The following LARS1 variants were observed in gnomAD, a reference collection of about 807,000 sequenced individuals.
The protein encoded by LARS1 is leucine--tRNA ligase, cytoplasmic.
A neutral mutation model predicts 162.8 loss-of-function variants in LARS1; 100 were observed. The observed-to-expected ratio is 0.61, with a 90% confidence interval of 0.52 to 0.73. The LOEUF (loss-of-function observed/expected upper bound fraction) is 0.73, where lower values mean the gene tolerates loss of function less well. Ranked by LOEUF, LARS1 falls within the 30% of genes least tolerant of loss-of-function variation. LARS1 has a pLI of 0.00. For synonymous variants in LARS1, 457 were observed against 462.8 expected (o/e 0.99, Z 0.16); for missense variants, 1,258 against 1,408.9 (o/e 0.89, Z 1.71).
rs1036386793 is a variant in LARS1 at position 146,155,640 on chromosome 5, G to T, written c.1066-1660C>A. Among the ~76,000 whole-genome samples the T allele has an allele frequency of 4.6e-5, 7 of 151,956 alleles. No individual in the cohort carries two copies. The South Asian group carries it at 1.5e-3, about 32-fold the overall frequency. ...CACCCACCCCTCTTTATTCATATAT[G>T]TACTTATAACCTGCCTTTATAGAAT... On this transcript the variant is annotated intron_variant, in intron 10 of 31. Transcript: ENST00000394434.
At chr5:146,117,653 C>T (rs1221076266) in intron 31 of LARS1, among the ~76,000 whole-genome samples, 3 of 152,176 alleles carry the variant, frequency 2.0e-5, no homozygotes, top group Non-Finnish European at 4.4e-5. Context: ...GGTCCACACA[C>T]ATATCTATTT....
intron 15 of LARS1, among the ~76,000 whole-genome samples, chr5:146,147,401 T>TA: frequency 6.7e-6 from 1 of 149,546 alleles, no homozygotes; most frequent in Non-Finnish European, 1.5e-5. Context: ...CCCTGTCTCT[T>TA]TAAAAAAAAA....
At chr5:146,149,929 G>A (rs1007395213) in intron 14 of LARS1, among the ~76,000 whole-genome samples, 5 of 152,074 alleles carry the variant, frequency 3.3e-5, no homozygotes, top group South Asian at 2.1e-4. Context: ...TAGGTATCAC[G>A]GAGATACCTA....
In LARS1 at chr5:146,173,539, C is replaced by CT. The variant is rs542049744; in HGVS notation, c.126-766dup. On this transcript the variant is annotated intron_variant, in intron 2 of 31. Transcript: ENST00000394434. ...TTCACTTTAAACGCATCCTTTAAAG[C>CT]TTTTTTTTTTTTTTTAATTTTTTAG... 5.6e-3 allele frequency among the ~76,000 whole-genome samples: 754 copies of CT among 135,184 alleles called. 3 individuals carry two copies. The highest frequency in any genetic ancestry group is 0.013 in the African/African-American group (461 of 36,678). The allele number at this position is 135,184 out of a possible 152,430, so 88.7% of individuals were successfully genotyped here. A position where few individuals can be genotyped will look rare whatever the true frequency, so the allele number is the denominator to read the frequency against.
At chr5:146,116,933 A>G (rs1751571362) in intron 31 of LARS1, among the ~76,000 whole-genome samples, 2 of 152,184 alleles carry the variant, frequency 1.3e-5, no homozygotes, top group South Asian at 2.1e-4. Context: ...TCATATACTG[A>G]ATATACTCAG....
Position 146,159,720 on chromosome 5 carries a change from A to G in LARS1, c.708-250T>C, listed in dbSNP as rs1581064986. On this transcript the variant is annotated intron_variant, in intron 7 of 31. Coordinates refer to ENST00000394434, the MANE Select transcript of LARS1 (RefSeq NM_020117.11). ...TGATCTTGGCTTTGTGGTATTGAAC[A>G]AAAGATTATAAAACATAAATTGACT... Among the ~76,000 whole-genome samples the G allele has an allele frequency of 2.0e-5, 3 of 152,286 alleles. No homozygotes were observed. The East Asian group carries it at 5.8e-4, about 29-fold the overall frequency.
intron 21 of LARS1, chr5:146,139,768 G>C (rs13172010): frequency 0.36 from 34,045 of 94,554 alleles, 4,885 homozygotes; most frequent in East Asian, 0.52. Context: ...CCAGATACTC[G>C]AGAGGCTGAG....
intron 15 of LARS1, among the ~76,000 whole-genome samples, chr5:146,145,869 T>C (rs1752984510): frequency 6.6e-6 from 1 of 151,922 alleles, no homozygotes; most frequent in Non-Finnish European, 1.5e-5. Context: ...AAAGTCAAAA[T>C]GAATGAGAAG....
rs1000385765 is a variant in LARS1, at chr5:146,181,858, T to C, written c.6+630A>G. The stretch of plus-strand genomic sequence containing the variant: ...GGCGCTCAATTTTTTCTTTTTTTTT[T>C]TTTTTTTTTTTTTTTTTTTTTGCTG... On this transcript the variant is annotated intron_variant, in intron 1 of 31. Transcript: ENST00000394434. 5.8e-5 allele frequency among the ~76,000 whole-genome samples: 6 copies of C among 104,098 alleles called. No homozygotes were observed. In the South Asian group the frequency reaches 1.4e-3, roughly 24 times the overall value. 68.3% of individuals were successfully genotyped at this position (104,098 alleles called of 152,430 possible). A position where few individuals can be genotyped will look rare whatever the true frequency, so the allele number is the denominator to read the frequency against.
At chr5:146,164,542 T>A in intron 5 of LARS1, 71 bp from the exon 6 acceptor site, 2 of 1,397,270 alleles carry the variant, frequency 1.4e-6, no homozygotes, top group Non-Finnish European at 2.0e-6. Context: ...CCCAAGATAT[T>A]AATGAATGTA....
chr5:146,182,575 C>G lies in LARS1; in HGVS notation c.-82G>C. The G allele has an allele frequency of 1.3e-6, 2 of 1,571,832 alleles. No homozygotes were observed. Among genetic ancestry groups the G allele is most frequent in the Non-Finnish European group, 1.8e-6 (2 of 1,141,840 alleles). On this transcript the variant is annotated 5_prime_UTR_variant, in exon 1 of 32. Transcript: ENST00000394434. Reference sequence around the variant, plus strand: ...AGGAGTGGTTACCTTTCCCCTCCCTCTCGGGGATGCCAGGCCTCCCACGAA... The same window carrying G: ...AGGAGTGGTTACCTTTCCCCTCCCTGTCGGGGATGCCAGGCCTCCCACGAA...
intron 24 of LARS1, 192 bp downstream of exon 24, chr5:146,130,827 G>A (rs902644980): frequency 4.7e-6 from 2 of 426,442 alleles, no homozygotes; most frequent in Admixed American, 4.3e-5. Flanking sequence ...AAATTAAATG[G>A]ACACAATAGA....
intron 10 of LARS1, 66 bp downstream of exon 10, chr5:146,157,337 A>G: frequency 7.4e-7 from 1 of 1,357,396 alleles, no homozygotes; most frequent in South Asian, 1.2e-5. Flanking sequence ...TCTTTTCTCA[A>G]TATTCATTGT....
At chr5:146,161,766 A>AG (rs2126548160) in intron 6 of LARS1, among the ~76,000 whole-genome samples, 1 of 152,100 alleles carries the variant, frequency 6.6e-6, no homozygotes, top group East Asian at 1.9e-4. Flanking sequence ...AAAAAAAAAA[A>AG]AAATTTGGAG....
In LARS1 at chr5:146,115,048, A is replaced by G. The variant is rs1032501730; in HGVS notation, c.3326-737T>C. ...ACAGAGCAAGATTCTGTCGGGGGGA[A>G]AAAAAAAAAAAAAAAAAAACAATCC... On this transcript the variant is annotated intron_variant, in intron 31 of 31. Transcript: ENST00000394434. Among the ~76,000 whole-genome samples, 570 of 133,650 alleles carry G rather than the reference A, an allele frequency of 4.3e-3. 2 individuals carry two copies. Among genetic ancestry groups the G allele is most frequent in the South Asian group, 0.024 (109 of 4,534 alleles). 87.7% of individuals were successfully genotyped at this position (133,650 alleles called of 152,430 possible). A position where few individuals can be genotyped will look rare whatever the true frequency, so the allele number is the denominator to read the frequency against.
chr5:146,175,752 C>T (rs1317405733), intron 2 of LARS1, among the ~76,000 whole-genome samples: 1 of 151,318 alleles, frequency 6.6e-6, no homozygotes, highest in African/African-American at 2.4e-5. Flanking sequence ...GGCGTGAACC[C>T]GGCAGGCGGA....
intron 6 of LARS1, among the ~76,000 whole-genome samples, chr5:146,161,536 C>G (rs1398154081): frequency 6.6e-6 from 1 of 152,102 alleles, no homozygotes. Context: ...CGAGACCAGC[C>G]TAACCAACAT....
chr5:146,172,050 G>T, intron 3 of LARS1, 60 bp from the exon 4 acceptor site: 1 of 1,414,758 alleles, frequency 7.1e-7, no homozygotes, highest in South Asian at 1.2e-5. Context: ...TACAAAATGT[G>T]AACTTTTCAC....
chr5:146,137,042 G>A (rs910753647), intron 21 of LARS1, among the ~76,000 whole-genome samples: 6 of 152,014 alleles, frequency 3.9e-5, no homozygotes, highest in South Asian at 2.1e-4. Flanking sequence ...GATTACAGGC[G>A]CCCACAACCA....
Sources: gnomAD v4.1 joint callset for allele counts (sites outside exome capture counted in the v4.1 genomes callset) on GRCh38, gnomAD v4.1.1 for gene constraint, MANE v1.5 for transcripts, NCBI Gene and HGNC (gene_info 2026-07-23, HGNC 2026-07-21) for gene names.